The following DCC variants were observed in gnomAD, a reference collection of about 807,000 sequenced individuals.
DCC encodes the protein DCC netrin 1 receptor.
Under a neutral mutation model 172.5 loss-of-function variants are expected in DCC, and 58 were observed. That is an observed-to-expected ratio of 0.34 (90% confidence interval 0.27 to 0.42). DCC has a LOEUF of 0.42. Ranked by LOEUF, DCC falls within the 10% of genes least tolerant of loss-of-function variation. The pLI is 1.00. For synonymous variants in DCC, 709 were observed against 644.5 expected, an observed-to-expected ratio of 1.10 and a Z score of -1.52; for missense variants, 1,740 against 1,791.0, an observed-to-expected ratio of 0.97 and a Z score of 0.51.
chr18:52,395,405 G>GT (rs1000819166), intron 1 of DCC, among the ~76,000 whole-genome samples: 2 of 151,764 alleles, frequency 1.3e-5, no homozygotes, highest in Admixed American at 6.6e-5. Context: ...TGTGGGTTTG[G>GT]TTTTTTTTGT....
intron 1 of DCC, among the ~76,000 whole-genome samples, chr18:52,748,708 T>C (rs1302184073): frequency 6.6e-6 from 1 of 152,106 alleles, no homozygotes; most frequent in Non-Finnish European, 1.5e-5. Flanking sequence ...CCAAGAAGAA[T>C]GAGGTTGCTT....
At chr18:52,879,120 C>T (rs937130536) in intron 2 of DCC, among the ~76,000 whole-genome samples, 1 of 152,144 alleles carries the variant, frequency 6.6e-6, no homozygotes, top group African/African-American at 2.4e-5. Flanking sequence ...TACTATATTA[C>T]TTGTTACTGG....
At chr18:52,876,525 A>C (rs868158957) in intron 2 of DCC, among the ~76,000 whole-genome samples, 2 of 152,252 alleles carry the variant, frequency 1.3e-5, no homozygotes, top group South Asian at 2.1e-4. Flanking sequence ...TAAAGAAAAC[A>C]TAGATGTATT....
chr18:53,249,355 G>A (rs2056401476), intron 12 of DCC, among the ~76,000 whole-genome samples: 2 of 151,890 alleles, frequency 1.3e-5, no homozygotes, highest in Admixed American at 1.3e-4. Flanking sequence ...CATTCTAAGA[G>A]AAGTCTCAGG....
intron 1 of DCC, among the ~76,000 whole-genome samples, chr18:52,670,526 G>A (rs533127713): frequency 6.6e-5 from 10 of 152,234 alleles, no homozygotes; most frequent in Non-Finnish European, 1.5e-4. Context: ...ATGCAAATAG[G>A]ACAAGTTTAT....
Position 53,486,820 on chromosome 18 carries a change from C to T in DCC, c.3760C>T (p.Pro1254Ser). ...AGCTGTCGTGAGCGCCATCCCGGTG[C>T]CAACGCTAGAAAGTGCCCAGTACCC... ...NPAVVSAIPV[P>S]TLESAQYPGI... Residue 1254 changes from proline (P) to serine (S), a missense_variant, in exon 26 of 29, where the codon CCA (proline) becomes TCA (serine). Pro to Ser is a moderately conservative substitution (Grantham distance 74). Coordinates refer to ENST00000442544, the MANE Select transcript of DCC (RefSeq NM_005215.4). The T allele has an allele frequency of 6.2e-7, 1 of 1,614,152 alleles. No homozygotes were observed. Among genetic ancestry groups the T allele is most frequent in the Non-Finnish European group, 8.5e-7 (1 of 1,180,032 alleles).
chr18:52,665,421 T>G (rs2035445576), intron 1 of DCC, among the ~76,000 whole-genome samples: 1 of 152,238 alleles, frequency 6.6e-6, no homozygotes, highest in Non-Finnish European at 1.5e-5. Flanking sequence ...ACATTAAGTT[T>G]AATTACATAT....
chr18:52,879,577 A>G (rs979182123), intron 2 of DCC, among the ~76,000 whole-genome samples: 1 of 151,800 alleles, frequency 6.6e-6, no homozygotes, highest in African/African-American at 2.4e-5. Context: ...TATTACAAGC[A>G]TGTGCCATTA....
chr18:52,544,332 A>G (rs764010965), intron 1 of DCC, among the ~76,000 whole-genome samples: 3 of 152,184 alleles, frequency 2.0e-5, no homozygotes, highest in Non-Finnish European at 4.4e-5. Context: ...ACTAAATTGA[A>G]GCACTGAATA....
chr18:52,959,473 T>C (rs1264756303), intron 5 of DCC, among the ~76,000 whole-genome samples: 3 of 152,016 alleles, frequency 2.0e-5, no homozygotes, highest in African/African-American at 7.3e-5. Context: ...GTATGTTTGT[T>C]ACATGGATAT....
At chr18:52,977,723 A>C (rs1427037447) in intron 5 of DCC, among the ~76,000 whole-genome samples, 1 of 151,870 alleles carries the variant, frequency 6.6e-6, no homozygotes, top group Non-Finnish European at 1.5e-5. Flanking sequence ...GTCACTACTA[A>C]AAATACAAAA....
intron 2 of DCC, among the ~76,000 whole-genome samples, chr18:52,755,538 A>C (rs1397044166): frequency 6.6e-6 from 1 of 152,194 alleles, no homozygotes; most frequent in Non-Finnish European, 1.5e-5. Flanking sequence ...GCTGTTTGGC[A>C]ACACAGAATA....
At chr18:53,356,169 C>T (rs1035198538) in intron 15 of DCC, among the ~76,000 whole-genome samples, 2 of 152,090 alleles carry the variant, frequency 1.3e-5, no homozygotes, top group Non-Finnish European at 2.9e-5. Flanking sequence ...ATTCTGCTGC[C>T]TTAGCTTCCC....
chr18:53,417,219 C>T (rs1385318559), intron 21 of DCC, among the ~76,000 whole-genome samples: 1 of 152,200 alleles, frequency 6.6e-6, no homozygotes, highest in African/African-American at 2.4e-5. Flanking sequence ...CAGCAGAATG[C>T]TTCCTGCATG....
chr18:53,046,108 T>A (rs1378564450), intron 5 of DCC, among the ~76,000 whole-genome samples: 1 of 151,860 alleles, frequency 6.6e-6, no homozygotes, highest in Non-Finnish European at 1.5e-5. Flanking sequence ...AATATAGGAA[T>A]GAAAAGACAA....
chr18:53,308,029 C>G (rs1472377948), intron 13 of DCC, among the ~76,000 whole-genome samples: 1 of 148,856 alleles, frequency 6.7e-6, no homozygotes, highest in Non-Finnish European at 1.5e-5. Flanking sequence ...AGATATGACC[C>G]AGGTTTCCAA....
intron 11 of DCC, among the ~76,000 whole-genome samples, chr18:53,211,112 C>A (rs2055744285): frequency 6.6e-6 from 1 of 152,128 alleles, no homozygotes; most frequent in African/African-American, 2.4e-5. Context: ...GTCCTGTGTC[C>A]AAATGCAGAA....
intron 8 of DCC, among the ~76,000 whole-genome samples, chr18:53,178,659 T>C (rs778963729): frequency 7.2e-5 from 11 of 152,224 alleles, no homozygotes; most frequent in Non-Finnish European, 1.6e-4. Context: ...TAATAGCTCC[T>C]TGTTTTTCAT....
chr18:52,400,808 C>A (rs1986407788), intron 1 of DCC, among the ~76,000 whole-genome samples: 1 of 151,924 alleles, frequency 6.6e-6, no homozygotes, highest in Non-Finnish European at 1.5e-5. Context: ...ATGGATGAAG[C>A]TGGAAACCAT....
Sources: gnomAD v4.1 joint callset for allele counts (sites outside exome capture counted in the v4.1 genomes callset) on GRCh38, gnomAD v4.1.1 for gene constraint, MANE v1.5 for transcripts, NCBI Gene and HGNC (gene_info 2026-07-23, HGNC 2026-07-21) for gene names.